The following CNTN4 variants were observed in gnomAD, a reference collection of about 807,000 sequenced individuals.
CNTN4 encodes the protein contactin-4.
CNTN4 carries 77 observed loss-of-function variants against 122.5 expected under a neutral mutation model. The ratio of observed to expected loss-of-function variants is 0.63; its 90% CI spans 0.52 to 0.76. CNTN4 has a LOEUF of 0.76. Ranked by LOEUF, CNTN4 falls within the 30% of genes least tolerant of loss-of-function variation. The pLI is 0.00. For missense variants in CNTN4, 1,256 were observed against 1,259.1 expected (o/e 1.00, Z 0.04); for synonymous variants, 512 against 447.0 (o/e 1.15, Z -1.83).
At position 2,316,835 on chromosome 3, in the gene CNTN4, C is replaced by T. The variant is rs1279059844; in HGVS notation, c.-144-22343C>T. Among the ~76,000 whole-genome samples the T allele has an allele frequency of 2.0e-5, 3 of 152,184 alleles. No homozygotes were observed. The South Asian group carries it at 6.2e-4, about 31-fold the overall frequency. ...ATTACAGTTGCCAGTTGACAGGTTT[C>T]ATTTATCCATGGTTTTCTTTAAAAT... On this transcript the variant is annotated intron_variant, in intron 2 of 24. Coordinates refer to ENST00000418658, the MANE Select transcript of CNTN4 (RefSeq NM_175607.3).
chr3:2,982,863 G>A (rs191713549), intron 13 of CNTN4, among the ~76,000 whole-genome samples: 1 of 152,150 alleles, frequency 6.6e-6, no homozygotes, highest in Admixed American at 6.5e-5. Context: ...ATCATCAAAA[G>A]TAATGATTTA....
intron 2 of CNTN4, among the ~76,000 whole-genome samples, chr3:2,251,763 G>GTT (rs201570955): frequency 2.0e-5 from 3 of 150,300 alleles, no homozygotes; most frequent in African/African-American, 7.3e-5. Context: ...ATGTAGGTAG[G>GTT]TTTTTTTTTC....
chr3:2,954,477 A>G (rs866379221), intron 13 of CNTN4, among the ~76,000 whole-genome samples: 2 of 151,534 alleles, frequency 1.3e-5, no homozygotes, highest in South Asian at 2.1e-4. Flanking sequence ...AATTGCAATT[A>G]TATTTATCAG....
intron 4 of CNTN4, among the ~76,000 whole-genome samples, chr3:2,705,809 T>TACATA (rs1559408972): frequency 4.5e-4 from 47 of 104,076 alleles, no homozygotes; most frequent in African/African-American, 1.8e-3. Flanking sequence ...TTATATATAA[T>TACATA]ATATATAATA....
chr3:2,235,031 C>T (rs906492208), intron 2 of CNTN4, among the ~76,000 whole-genome samples: 1 of 152,084 alleles, frequency 6.6e-6, no homozygotes, highest in African/African-American at 2.4e-5. Flanking sequence ...TTTATCTTGG[C>T]TTATCTGTTG....
At chr3:2,626,016 A>G (rs548767605) in intron 4 of CNTN4, among the ~76,000 whole-genome samples, 17 of 152,166 alleles carry the variant, frequency 1.1e-4, no homozygotes, top group South Asian at 2.1e-4. Flanking sequence ...TGATATCTCA[A>G]TATTTTAATT....
chr3:2,413,014 C>T (rs1290833893), intron 3 of CNTN4, among the ~76,000 whole-genome samples: 5 of 152,184 alleles, frequency 3.3e-5, no homozygotes, highest in Non-Finnish European at 5.9e-5. Context: ...CAAGTATGTA[C>T]ATTATTTTTA....
intron 7 of CNTN4, among the ~76,000 whole-genome samples, chr3:2,849,485 A>AT (rs2093510866): frequency 6.6e-6 from 1 of 152,204 alleles, no homozygotes; most frequent in South Asian, 2.1e-4. Flanking sequence ...GGAAAACAAG[A>AT]TTTTGGTGAC....
intron 2 of CNTN4, among the ~76,000 whole-genome samples, chr3:2,278,520 T>G (rs1358062658): frequency 6.6e-6 from 1 of 152,158 alleles, no homozygotes; most frequent in Non-Finnish European, 1.5e-5. Context: ...TAACATGTTT[T>G]AGATAAGTGG....
chr3:2,991,956 G>A (rs1000965099), intron 14 of CNTN4, among the ~76,000 whole-genome samples: 4 of 152,094 alleles, frequency 2.6e-5, no homozygotes, highest in Admixed American at 1.3e-4. Flanking sequence ...CGTGAAGGTC[G>A]GGCGTCAGAA....
intron 3 of CNTN4, among the ~76,000 whole-genome samples, chr3:2,548,968 C>G (rs1344051152): frequency 6.6e-6 from 1 of 152,044 alleles, no homozygotes; most frequent in Non-Finnish European, 1.5e-5. Flanking sequence ...CATGATTTGG[C>G]TCTCTGTTTG....
At chr3:2,296,999 A>G (rs1410232803) in intron 2 of CNTN4, among the ~76,000 whole-genome samples, 1 of 152,194 alleles carries the variant, frequency 6.6e-6, no homozygotes, top group African/African-American at 2.4e-5. Context: ...AAACAATTTC[A>G]AAAAGTCTTT....
intron 4 of CNTN4, among the ~76,000 whole-genome samples, chr3:2,717,482 C>G (rs1427523500): frequency 6.6e-6 from 1 of 152,202 alleles, no homozygotes; most frequent in Non-Finnish European, 1.5e-5. Context: ...ACTTGGGAAT[C>G]TTGCCTCTGA....
chr3:2,604,076 G>A (rs1381738057), intron 4 of CNTN4, among the ~76,000 whole-genome samples: 2 of 152,196 alleles, frequency 1.3e-5, no homozygotes, highest in Non-Finnish European at 2.9e-5. Context: ...CTACTTGGAA[G>A]TGAGATGTAA....
At chr3:2,171,925 A>G (rs757091484) in intron 2 of CNTN4, among the ~76,000 whole-genome samples, 1 of 152,134 alleles carries the variant, frequency 6.6e-6, no homozygotes, top group Non-Finnish European at 1.5e-5. Context: ...AGCACCTAGG[A>G]ACTTGTTAGA....
chr3:2,486,533 A>G (rs1398124054), intron 3 of CNTN4, among the ~76,000 whole-genome samples: 3 of 152,236 alleles, frequency 2.0e-5, no homozygotes, highest in Non-Finnish European at 2.9e-5. Context: ...ATTCTTATAG[A>G]AAAATATAAT....
At chr3:2,753,514 T>G (rs920459250) in intron 6 of CNTN4, among the ~76,000 whole-genome samples, 12 of 152,212 alleles carry the variant, frequency 7.9e-5, no homozygotes, top group African/African-American at 2.9e-4. Flanking sequence ...AAATTAATGA[T>G]GTGAAATAAC....
intron 2 of CNTN4, among the ~76,000 whole-genome samples, chr3:2,148,794 A>G (rs780362403): frequency 2.6e-5 from 4 of 151,586 alleles, no homozygotes; most frequent in Non-Finnish European, 4.4e-5. Context: ...TTTATATTGT[A>G]TTATGATGTG....
At chr3:2,230,635 T>C (rs1480503178) in intron 2 of CNTN4, among the ~76,000 whole-genome samples, 5 of 152,120 alleles carry the variant, frequency 3.3e-5, no homozygotes, top group Non-Finnish European at 7.4e-5. Flanking sequence ...AAAGAACACA[T>C]GTCATATACC....
Sources: allele counts gnomAD v4.1 joint callset (sites outside exome capture counted in the v4.1 genomes callset), GRCh38; gene constraint gnomAD v4.1.1; transcripts MANE v1.5; gene names NCBI Gene and HGNC (gene_info 2026-07-23, HGNC 2026-07-21).